Variants in PCDH12 observed in about 807,000 individuals in gnomAD.
PCDH12 encodes the protein protocadherin 12.
A neutral mutation model predicts 70.9 loss-of-function variants in PCDH12; 45 were observed. The ratio of observed to expected loss-of-function variants is 0.63; its 90% CI spans 0.50 to 0.81. The LOEUF (loss-of-function observed/expected upper bound fraction) is 0.81. Ranked by LOEUF, PCDH12 falls within the 40% of genes least tolerant of loss-of-function variation. The pLI is 0.00. For missense variants in PCDH12, 1,370 were observed against 1,491.7 expected (o/e 0.92, Z 1.34); for synonymous variants, 567 against 626.0 (o/e 0.91, Z 1.41).
rs750958908 is a variant in PCDH12, at chr5:141,955,117, C to T, written c.2735G>A (p.Arg912Gln). 8.7e-6 allele frequency: 14 copies of T among 1,614,194 alleles called. No homozygotes were observed. The highest frequency in any genetic ancestry group is 3.3e-5 in the South Asian group (3 of 91,084). The change falls in exon 1 of 4, where the codon CGG becomes CAG. Residue 912 changes from arginine (R) to glutamine (Q), a missense_variant. Coordinates refer to ENST00000231484, the MANE Select transcript of PCDH12 (RefSeq NM_016580.4). The surrounding 1 kb of genome is among the most constrained non-coding windows in gnomAD (Gnocchi z 5.5). ...CACTTTGCCATTGAGATGTCGCTGC[C>T]GTCTCAGGGTTGCAGAGGAGGCTGG... ...RPPASSATLR[R>Q]QRHLNGKVSP...
At position 141,946,475 on chromosome 5, in the gene PCDH12, C is replaced by A. The variant is rs111867758; in HGVS notation, c.3131-670G>T. 7.4e-3 allele frequency among the ~76,000 whole-genome samples: 1,129 copies of A among 152,286 alleles called. 14 individuals are homozygous for A. The highest frequency in any genetic ancestry group is 0.026 in the African/African-American group (1,061 of 41,546). On this transcript the variant is annotated intron_variant, in intron 3 of 3. Transcript: ENST00000231484. Reference sequence around the variant, plus strand: ...ACTTTGAAGCCTATGATGGCACCACCCTACCCTCTCTCTGAAGAGCTGGCC... The same window carrying A: ...ACTTTGAAGCCTATGATGGCACCACACTACCCTCTCTCTGAAGAGCTGGCC...
At position 141,949,539 on chromosome 5, in the gene PCDH12, C is replaced by T. The variant is rs1172937951; in HGVS notation, c.3023G>A (p.Gly1008Asp). 1 of 1,614,190 alleles carries T rather than the reference C, an allele frequency of 6.2e-7. No individual in the cohort carries two copies. Among genetic ancestry groups the T allele is most frequent in the Non-Finnish European group, 8.5e-7 (1 of 1,180,020 alleles). ...TTCCTCCTGTTCTGGGTCTGTCTGG[C>T]CTCCAGCCCTTGCACTTGGGCCATC... Reference protein sequence around the residue: ...DTDGPSARAGGQTDPEQEEGP... With the variant: ...DTDGPSARAGDQTDPEQEEGP... Residue 1008 changes from glycine to aspartate, a missense_variant, in exon 3 of 4, where the codon GGC becomes GAC. Transcript: ENST00000231484.
At chr5:141,945,847 G>T (rs998463026) in intron 3 of PCDH12, 42 bp from the exon 4 acceptor site, 25 of 1,577,328 alleles carry the variant, frequency 1.6e-5, no homozygotes, top group Admixed American at 8.6e-5. Context: ...CAGGCTCCGG[G>T]AAGGGCCAGG....
At chr5:141,947,052 A>G (rs540205014) in intron 3 of PCDH12, among the ~76,000 whole-genome samples, 1 of 152,198 alleles carries the variant, frequency 6.6e-6, no homozygotes, top group Admixed American at 6.5e-5. Context: ...GAAGCAATCC[A>G]TTCTCTTTTT....
intron 2 of PCDH12, 145 bp downstream of exon 2, chr5:141,951,348 G>A: frequency 3.1e-6 from 2 of 645,252 alleles, no homozygotes; most frequent in East Asian, 2.7e-5. Flanking sequence ...AACTCCCAGG[G>A]TGGGAGGATG....
In PCDH12 at chr5:141,947,301, A is replaced by G. The variant is rs1435816744; in HGVS notation, c.3131-1496T>C. On this transcript the variant is annotated intron_variant, in intron 3 of 3. Transcript: ENST00000231484. Reference sequence around the variant, plus strand: ...GAATGAACATAAATATTAACCTTCAACATTTGGGAAATGCAAACCTTAGTT... The same window carrying G: ...GAATGAACATAAATATTAACCTTCAGCATTTGGGAAATGCAAACCTTAGTT... 2.0e-5 allele frequency among the ~76,000 whole-genome samples: 3 copies of G among 152,238 alleles called. 1 individual carries two copies. Among genetic ancestry groups the G allele is most frequent in the African/African-American group, 4.8e-5 (2 of 41,472 alleles).
Position 141,945,177 on chromosome 5 carries a change from A to G in PCDH12, c.*204T>C. The G allele has an allele frequency of 1.5e-6, 1 of 654,894 alleles. No individual in the cohort carries two copies. Among genetic ancestry groups the G allele is most frequent in the Middle Eastern group, 3.8e-4 (1 of 2,628 alleles). 40.6% of individuals were successfully genotyped at this position (654,894 alleles called of 1,614,324 possible). ...GCCACAAACCGTCCCTGTCCTCCAA[A>G]AGACTCAGAGCTGCTTACAAGGGGC... On this transcript the variant is annotated 3_prime_UTR_variant, in exon 4 of 4. Transcript: ENST00000231484.
rs765468804 is a variant in PCDH12, at chr5:141,955,990, A to G, written c.1862T>C (p.Ile621Thr). The G allele has an allele frequency of 1.1e-5, 18 of 1,613,970 alleles. No homozygotes were observed. The highest frequency in any genetic ancestry group is 4.0e-5 in the African/African-American group (3 of 74,890). Residue 621 changes from isoleucine (I) to threonine (T), a missense_variant, in exon 1 of 4, where the codon ATT becomes ACT. Ile to Thr is a moderately conservative substitution (Grantham distance 89). Coordinates refer to ENST00000231484, the MANE Select transcript of PCDH12 (RefSeq NM_016580.4). This position sits in a 1 kb window ranked among gnomAD's most constrained non-coding sequence, Gnocchi z 5.5. ...CCCCGAGTCTGCATCTCTTGCCACA[A>G]TGGTTGTCAAAAGGAATGGCCGGGA... ...HSSRPFLLTT[I>T]VARDADSGAN...
rs199966627 is a variant in PCDH12 at position 141,957,580 on chromosome 5, C to T, written c.272G>A (p.Arg91Gln). The change falls in exon 1 of 4, where the codon CGG becomes CAG. Residue 91 changes from arginine to glutamine, a missense_variant. Arg to Gln is a conservative substitution (Grantham distance 43). Coordinates refer to ENST00000231484, the MANE Select transcript of PCDH12 (RefSeq NM_016580.4). The surrounding 1 kb of genome is among the most constrained non-coding windows in gnomAD (Gnocchi z 4.3). ...SEEGLLSTGR[R>Q]LDREQLCRQW... ...TCGGCACAGCTGCTCTCGATCCAGC[C>T]GCCTGCCTGTGCTGAGCAAGCCTTC... 171 of 1,614,124 alleles carry T rather than the reference C, an allele frequency of 1.1e-4. 1 individual carries two copies. The South Asian group carries it at 1.3e-3, about 12-fold the overall frequency.
At chr5:141,948,488 G>C (rs1029039409) in intron 3 of PCDH12, among the ~76,000 whole-genome samples, 1 of 152,168 alleles carries the variant, frequency 6.6e-6, no homozygotes, top group Non-Finnish European at 1.5e-5. Context: ...CAGCAGGGGC[G>C]GGGGGCGCTA....
chr5:141,956,373 T>G lies in PCDH12; in HGVS notation c.1479A>C (p.Gly493=), dbSNP rs1198534505. Residue 493 remains glycine (G), a synonymous_variant, in exon 1 of 4, where the codon GGA becomes GGC. Coordinates refer to ENST00000231484, the MANE Select transcript of PCDH12 (RefSeq NM_016580.4). ...AGTCCTGGATGCGGTATGAGACTTTTCCATTAATGCCCAAGTCTGCATCAT... is the reference window on the plus strand; with the variant it reads ...AGTCCTGGATGCGGTATGAGACTTTGCCATTAATGCCCAAGTCTGCATCAT... ...KAHDADLGIN[G]KVSYRIQDSP... The G allele has an allele frequency of 1.1e-5, 18 of 1,614,124 alleles. No individual in the cohort carries two copies. The highest frequency in any genetic ancestry group is 1.4e-5 in the Non-Finnish European group (17 of 1,180,050).
In PCDH12 at chr5:141,957,076, G is replaced by C. The variant is rs1303219196; in HGVS notation, c.776C>G (p.Pro259Arg). ...GGTCAGTTTTATGAGAAGCGTACCA[G>C]GTGCAGCATCTTCTTGGATTTCCAG... ...LALEIQEDAA[P>R]GTLLIKLTAT... The change falls in exon 1 of 4, where the codon CCT (proline) becomes CGT (arginine). Residue 259 changes from proline (P) to arginine (R), a missense_variant. Physicochemically the swap from Pro to Arg is moderately radical, Grantham distance 103 (BLOSUM62 -2). Coordinates refer to ENST00000231484, the MANE Select transcript of PCDH12 (RefSeq NM_016580.4). The surrounding 1 kb of genome is among the most constrained non-coding windows in gnomAD (Gnocchi z 4.3). The C allele has an allele frequency of 1.7e-5, 28 of 1,614,072 alleles. No individual in the cohort carries two copies. The South Asian group carries it at 2.5e-4, about 15-fold the overall frequency.
At chr5:141,948,581 T>C (rs979717209) in intron 3 of PCDH12, among the ~76,000 whole-genome samples, 5 of 152,234 alleles carry the variant, frequency 3.3e-5, no homozygotes, top group Admixed American at 2.0e-4. Flanking sequence ...TTTGTTTTCA[T>C]TGCAATTGTT....
chr5:141,946,656 G>A (rs1005917844), intron 3 of PCDH12, among the ~76,000 whole-genome samples: 1 of 152,220 alleles, frequency 6.6e-6, no homozygotes, highest in Non-Finnish European at 1.5e-5. Context: ...TCAGGCTGGG[G>A]AGGGGCTGCC....
chr5:141,957,009 G>A lies in PCDH12; in HGVS notation c.843C>T (p.Phe281=), dbSNP rs1753195975. 6.2e-7 allele frequency: 1 copy of A among 1,614,108 alleles called. No individual in the cohort carries two copies. The highest frequency in any genetic ancestry group is 8.5e-7 in the Non-Finnish European group (1 of 1,180,042). Reference sequence around the variant, plus strand: ...CTGGAGGCATGTGCTTACTGAGGAAGAACTCCACCTCCCCATTGGGGCCTT... The same window carrying A: ...CTGGAGGCATGTGCTTACTGAGGAAAAACTCCACCTCCCCATTGGGGCCTT... ...PDQGPNGEVE[F]FLSKHMPPEV... is the part of the protein sequence containing the mutation. The change falls in exon 1 of 4, where the codon TTC becomes TTT. Residue 281 remains phenylalanine, a synonymous_variant. Transcript: ENST00000231484. This position sits in a 1 kb window ranked among gnomAD's most constrained non-coding sequence, Gnocchi z 4.3.
intron 3 of PCDH12, among the ~76,000 whole-genome samples, chr5:141,948,959 A>G (rs1160192896): frequency 6.6e-6 from 1 of 151,966 alleles, no homozygotes; most frequent in Non-Finnish European, 1.5e-5. Context: ...CATGCCTCTA[A>G]TGCCAGCACT....
chr5:141,954,133 T>C (rs1753136688), intron 1 of PCDH12, among the ~76,000 whole-genome samples: 1 of 152,098 alleles, frequency 6.6e-6, no homozygotes, highest in Non-Finnish European at 1.5e-5. Context: ...AAAATGAGGC[T>C]CAGATGTTGA....
rs1289130043 is a variant in PCDH12 at position 141,949,503 on chromosome 5, T to A, written c.3059A>T (p.Asp1020Val). The A allele has an allele frequency of 1.9e-6, 3 of 1,614,018 alleles. No homozygotes were observed. Among genetic ancestry groups the A allele is most frequent in the Non-Finnish European group, 1.7e-6 (2 of 1,180,028 alleles). ...TDPEQEEGPL[D>V]PEEDLSVKQL... is the part of the protein sequence containing the mutation. ...CTTCACAGAGAGGTCCTCTTCAGGA[T>A]CCAAAGGCCCTTCCTCCTGTTCTGG... Residue 1020 changes from aspartate (D) to valine (V), a missense_variant, in exon 3 of 4, where the codon GAT becomes GTT. Transcript: ENST00000231484.
rs150545046 is a variant in PCDH12, at chr5:141,949,732, T to C, written c.2979-149A>G. ...AGTCAGACCAACCTGGATCATGTGA[T>C]TCCCGCCCTCCTCTTACTCTGTTTC... On this transcript the variant is annotated intron_variant, in intron 2 of 3. Transcript: ENST00000231484. 4.6e-4 allele frequency: 366 copies of C among 789,330 alleles called. 3 individuals carry two copies. Among genetic ancestry groups the C allele is most frequent in the Middle Eastern group, 2.6e-3 (10 of 3,880 alleles). The allele number at this position is 789,330 out of a possible 1,614,324, so 48.9% of individuals were successfully genotyped here. A position where few individuals can be genotyped will look rare whatever the true frequency, so the allele number is the denominator to read the frequency against.
Sources: allele counts gnomAD v4.1 joint callset (sites outside exome capture counted in the v4.1 genomes callset), GRCh38; gene constraint gnomAD v4.1.1; non-coding constraint Gnocchi (gnomAD v3.1); transcripts MANE v1.5; gene names NCBI Gene and HGNC (gene_info 2026-07-23, HGNC 2026-07-21).